IGFBP2: variants seen among roughly 807,000 people sequenced by gnomAD.
IGFBP2 encodes the protein insulin like growth factor binding protein 2, also known as insulin-like growth factor-binding protein 2.
IGFBP2 carries 12 observed loss-of-function variants against 26.2 expected under a neutral mutation model. The observed-to-expected ratio is 0.46, with a 90% confidence interval of 0.29 to 0.74. IGFBP2 has a LOEUF of 0.74. Ranked by LOEUF, IGFBP2 falls within the 30% of genes least tolerant of loss-of-function variation. The pLI is 0.09. For missense variants in IGFBP2, 328 were observed against 441.2 expected, an observed-to-expected ratio of 0.74 and a Z score of 2.30; for synonymous variants, 189 against 200.6, an observed-to-expected ratio of 0.94 and a Z score of 0.49.
chr2:216,645,747 C>T (rs978485892), intron 1 of IGFBP2, among the ~76,000 whole-genome samples: 3 of 152,148 alleles, frequency 2.0e-5, no homozygotes, highest in Non-Finnish European at 2.9e-5. Flanking sequence ...TGTGGCTTAC[C>T]TGGACAGCTG....
chr2:216,656,405 C>G (rs566113867), intron 1 of IGFBP2, among the ~76,000 whole-genome samples: 1 of 152,290 alleles, frequency 6.6e-6, no homozygotes, highest in South Asian at 2.1e-4. Context: ...GCTAGATTTG[C>G]TTTATATGGG....
chr2:216,652,574 TGGCATTCA>T (rs1697849219), intron 1 of IGFBP2, among the ~76,000 whole-genome samples: 1 of 152,234 alleles, frequency 6.6e-6, no homozygotes, highest in South Asian at 2.1e-4. Flanking sequence ...AGGGCAAAGC[TGGCATTCA>T]GGGTTCTTGA....
At chr2:216,655,632 C>G (rs1318758135) in intron 1 of IGFBP2, among the ~76,000 whole-genome samples, 2 of 152,196 alleles carry the variant, frequency 1.3e-5, no homozygotes, top group Non-Finnish European at 2.9e-5. Flanking sequence ...GGCGTGGTGG[C>G]TCATGCCTAT....
chr2:216,638,486 C>G (rs1285747471), intron 1 of IGFBP2, among the ~76,000 whole-genome samples: 1 of 151,666 alleles, frequency 6.6e-6, no homozygotes, highest in Non-Finnish European at 1.5e-5. Context: ...GCCTGGGCAA[C>G]AAGAGTGAAA....
rs371560018 is a variant in IGFBP2 at position 216,634,906 on chromosome 2, T to TTTTTTA, written c.442+941_442+942insTTTTTA. Among the ~76,000 whole-genome samples the TTTTTTA allele has an allele frequency of 9.5e-3, 1,223 of 128,504 alleles. 41 individuals are homozygous for TTTTTTA. Among genetic ancestry groups the TTTTTTA allele is most frequent in the African/African-American group, 0.021 (748 of 35,402 alleles). 84.3% of individuals were successfully genotyped at this position (128,504 alleles called of 152,430 possible). On this transcript the variant is annotated intron_variant, in intron 1 of 3. Coordinates refer to ENST00000233809, the MANE Select transcript of IGFBP2 (RefSeq NM_000597.3). ...TAAGGAGGTTACTTTTTTTTTTTTT[T>TTTTTTA]AATTACGAAAGCCTCCTGCCCCAGT...
intron 1 of IGFBP2, among the ~76,000 whole-genome samples, chr2:216,637,230 A>G (rs1051210775): frequency 2.0e-5 from 3 of 152,172 alleles, no homozygotes; most frequent in Admixed American, 6.5e-5. Context: ...AACTCCCGGC[A>G]CTAGTTCTGC....
At chr2:216,654,991 C>G (rs1325649417) in intron 1 of IGFBP2, among the ~76,000 whole-genome samples, 1 of 152,162 alleles carries the variant, frequency 6.6e-6, no homozygotes, top group African/African-American at 2.4e-5. Flanking sequence ...TCTGTGGGCC[C>G]TGGACACTGC....
At chr2:216,646,110 A>G in intron 1 of IGFBP2, among the ~76,000 whole-genome samples, 1 of 152,330 alleles carries the variant, frequency 6.6e-6, no homozygotes, top group East Asian at 1.9e-4. Flanking sequence ...CTGGTTTGAG[A>G]GTGGCCGGCA....
chr2:216,645,374 A>C (rs895938847), intron 1 of IGFBP2, among the ~76,000 whole-genome samples: 2 of 152,214 alleles, frequency 1.3e-5, no homozygotes, highest in Non-Finnish European at 2.9e-5. Flanking sequence ...CCCTGGGGCT[A>C]AAAGGTCTTG....
intron 1 of IGFBP2, among the ~76,000 whole-genome samples, chr2:216,650,806 G>A (rs1361739157): frequency 1.3e-5 from 2 of 152,226 alleles, no homozygotes; most frequent in Middle Eastern, 6.3e-3. Context: ...GGGACCACCT[G>A]TTGGAAAACC....
chr2:216,634,906 T>TTTTTTTTTTTTTTTTTTTTTTTTTTTTTA (rs371560018), intron 1 of IGFBP2, among the ~76,000 whole-genome samples: 1 of 128,490 alleles, frequency 7.8e-6, no homozygotes, highest in African/African-American at 2.8e-5. Flanking sequence ...TTTTTTTTTT[T>TTTTTTTTTTTTTTTTTTTTTTTTTTTTTA]AATTACGAAA....
rs369486132 is a variant in IGFBP2, at chr2:216,660,565, G to A, written c.451G>A (p.Asp151Asn). The A allele has an allele frequency of 3.3e-5, 53 of 1,603,408 alleles. No individual in the cohort carries two copies. The highest frequency in any genetic ancestry group is 2.7e-4 in the African/African-American group (20 of 74,794). ...ASPEQVADNG[D>N]DHSEGGLVEN... is the part of the protein sequence containing the mutation. ...CCTTCCTCTCTTGGCAGACAATGGCGATGACCACTCAGAAGGAGGCCTGGT... is the reference window on the plus strand; with the variant it reads ...CCTTCCTCTCTTGGCAGACAATGGCAATGACCACTCAGAAGGAGGCCTGGT... Residue 151 changes from aspartate to asparagine, a missense_variant, in exon 2 of 4, where the codon GAT becomes AAT. Physicochemically the swap from Asp to Asn is conservative, Grantham distance 23. Coordinates refer to ENST00000233809, the MANE Select transcript of IGFBP2 (RefSeq NM_000597.3).
chr2:216,651,794 G>A (rs181448731), intron 1 of IGFBP2, among the ~76,000 whole-genome samples: 35 of 152,196 alleles, frequency 2.3e-4, no homozygotes, highest in East Asian at 2.1e-3. Flanking sequence ...TTGCTTTGTC[G>A]CCCAGGCTGG....
intron 1 of IGFBP2, among the ~76,000 whole-genome samples, chr2:216,636,192 G>C (rs1485010377): frequency 6.6e-6 from 1 of 152,040 alleles, no homozygotes; most frequent in Non-Finnish European, 1.5e-5. Flanking sequence ...GTGGGGCCTG[G>C]CCCAGACGGA....
chr2:216,640,356 G>A (rs945505893), intron 1 of IGFBP2, among the ~76,000 whole-genome samples: 1 of 152,170 alleles, frequency 6.6e-6, no homozygotes, highest in Non-Finnish European at 1.5e-5. Flanking sequence ...TAGCACTAGC[G>A]CTGCTTCTGC....
At chr2:216,641,652 T>C (rs1697615224) in intron 1 of IGFBP2, among the ~76,000 whole-genome samples, 1 of 151,328 alleles carries the variant, frequency 6.6e-6, no homozygotes, top group African/African-American at 2.4e-5. Context: ...GCATTATAAA[T>C]GCAGTGCATA....
At chr2:216,661,528 T>G in intron 2 of IGFBP2, 1 of 408,136 alleles carries the variant, frequency 2.5e-6, no homozygotes, top group Non-Finnish European at 4.7e-6. Flanking sequence ...AGCTTGGGCA[T>G]GGGGTGGGGG....
chr2:216,641,999 A>G (rs1305317339), intron 1 of IGFBP2, among the ~76,000 whole-genome samples: 1 of 99,664 alleles, frequency 1.0e-5, no homozygotes, highest in Non-Finnish European at 2.1e-5. Context: ...CCAGGCTTAC[A>G]TTTTTTTTTT....
At chr2:216,661,608 C>A in intron 2 of IGFBP2, 1 of 570,406 alleles carries the variant, frequency 1.8e-6, no homozygotes, top group Non-Finnish European at 3.2e-6. Context: ...ATGAAAGCCA[C>A]GGTCACAGAA....
Sources: allele counts gnomAD v4.1 joint callset (sites outside exome capture counted in the v4.1 genomes callset), GRCh38; gene constraint gnomAD v4.1.1; transcripts MANE v1.5; gene names NCBI Gene and HGNC (gene_info 2026-07-23, HGNC 2026-07-21).